The following TMC7 variants were observed in gnomAD, a reference collection of about 807,000 sequenced individuals.
TMC7 encodes the protein transmembrane channel like 7.
In TMC7, 54 loss-of-function variants were observed where a neutral mutation model predicts 82.9. The observed-to-expected ratio is 0.65, with a 90% CI of 0.52 to 0.82. TMC7 has a LOEUF of 0.82. Among genes scored for constraint, TMC7 ranks in the 40% least tolerant of loss-of-function variants. The pLI is 0.00. For missense variants in TMC7, 820 were observed against 901.2 expected (o/e 0.91, Z 1.15); for synonymous variants, 350 against 337.9 (o/e 1.04, Z -0.39).
Position 18,991,760 on chromosome 16 carries a change from G to A in TMC7, c.67+7630G>A, listed in dbSNP as rs189629684. ...GTCCCCGCACCGCACAAGAGGCCCC[G>A]GTGTGTGATGTTCCCCTTTCTGTGT... On this transcript the variant is annotated intron_variant, in intron 1 of 15. Coordinates refer to ENST00000304381, the MANE Select transcript of TMC7 (RefSeq NM_024847.4). Among the ~76,000 whole-genome samples the A allele has an allele frequency of 1.5e-3, 222 of 151,816 alleles. 1 individual carries two copies. The highest frequency in any genetic ancestry group is 2.8e-3 in the Admixed American group (43 of 15,200).
intron 2 of TMC7, among the ~76,000 whole-genome samples, chr16:19,010,880 A>G (rs1053646853): frequency 2.6e-5 from 4 of 152,180 alleles, no homozygotes; most frequent in African/African-American, 7.2e-5. Context: ...GCATGGCAAC[A>G]GCTGGAGCCC....
intron 1 of TMC7, among the ~76,000 whole-genome samples, chr16:18,985,082 A>T (rs1165176630): frequency 6.6e-6 from 1 of 152,138 alleles, no homozygotes; most frequent in Admixed American, 6.6e-5. Context: ...CAAGATGGTG[A>T]AACCCCATCT....
intron 1 of TMC7, among the ~76,000 whole-genome samples, chr16:18,985,019 T>C (rs577306140): frequency 6.6e-6 from 1 of 152,144 alleles, no homozygotes; most frequent in African/African-American, 2.4e-5. Context: ...CCCAGCACTT[T>C]GGGAGGCTGA....
intron 5 of TMC7, among the ~76,000 whole-genome samples, chr16:19,029,183 T>C (rs1177690624): frequency 6.6e-6 from 1 of 151,474 alleles, no homozygotes; most frequent in Non-Finnish European, 1.5e-5. Context: ...TTTTTTGTAT[T>C]TTTAGTAGAG....
chr16:19,051,919 G>A lies in TMC7; in HGVS notation c.1871+103G>A, dbSNP rs976532368. 4 of 1,462,616 alleles carry A rather than the reference G, an allele frequency of 2.7e-6. No homozygotes were observed. The African/African-American group carries it at 4.2e-5, about 16-fold the overall frequency. The allele number at this position is 1,462,616 out of a possible 1,614,324, so 90.6% of individuals were successfully genotyped here. On this transcript the variant is annotated intron_variant, in intron 13 of 15. Transcript: ENST00000304381. ...TCACATTTTTTTTTTTTTTGAGATGGAGTCTTGCTCTGTCACCCAGGCTGG... is the reference window on the plus strand; with the variant it reads ...TCACATTTTTTTTTTTTTTGAGATGAAGTCTTGCTCTGTCACCCAGGCTGG...
intron 1 of TMC7, among the ~76,000 whole-genome samples, chr16:19,002,268 CT>C (rs2039154917): frequency 1.6e-5 from 2 of 128,374 alleles, no homozygotes; most frequent in South Asian, 5.7e-4. Flanking sequence ...TGGAGTTTTG[CT>C]GTTGTTGTCC....
At chr16:19,013,851 CTT>C (rs35402613) in intron 2 of TMC7, among the ~76,000 whole-genome samples, 89 of 87,092 alleles carry the variant, frequency 1.0e-3, no homozygotes, top group African/African-American at 2.1e-3. Context: ...AGCACTCTTG[CTT>C]TTTTTTTTTT....
intron 2 of TMC7, 141 bp from the exon 3 acceptor site, chr16:19,016,309 T>G (rs1959687714): frequency 3.4e-6 from 3 of 875,172 alleles, no homozygotes; most frequent in Non-Finnish European, 5.1e-6. Flanking sequence ...AGGCTGGTCT[T>G]GAACTCCTGA....
At chr16:18,986,232 A>G (rs1282227289) in intron 1 of TMC7, among the ~76,000 whole-genome samples, 1 of 151,828 alleles carries the variant, frequency 6.6e-6, no homozygotes, top group Non-Finnish European at 1.5e-5. Context: ...TGTCTCTACT[A>G]AAAACACAAA....
intron 1 of TMC7, among the ~76,000 whole-genome samples, chr16:18,988,160 T>C (rs1237363005): frequency 2.8e-4 from 40 of 144,556 alleles, no homozygotes; most frequent in South Asian, 6.5e-4. Flanking sequence ...CTCTTTCTTT[T>C]TTTTTTTTTT....
chr16:18,988,421 C>T (rs2142109803), intron 1 of TMC7, among the ~76,000 whole-genome samples: 1 of 152,230 alleles, frequency 6.6e-6, no homozygotes, highest in South Asian at 2.1e-4. Flanking sequence ...TCCCAAAGTG[C>T]TGGGACTACA....
rs1414594026 is a variant in TMC7 at position 19,056,697 on chromosome 16, GGTGA to G, written c.2027+6_2027+9del. 2 of 1,613,474 alleles carry G rather than the reference GGTGA, an allele frequency of 1.2e-6. No homozygotes were observed. The highest frequency in any genetic ancestry group is 1.3e-5 in the African/African-American group (1 of 74,874). Reference sequence around the variant, plus strand: ...GCAGTTCCTTTCTTCATGATTATTTGGTGAGTGAGAACCACCAGGACCCACTGAG... The same window carrying G: ...GCAGTTCCTTTCTTCATGATTATTTGGTGAGAACCACCAGGACCCACTGAG... On this transcript the variant is annotated splice_donor_variant and splice_donor_region_variant and intron_variant, in intron 14 of 15. Coordinates refer to ENST00000304381, the MANE Select transcript of TMC7 (RefSeq NM_024847.4). LOFTEE classifies it high-confidence loss of function.
At chr16:19,004,038 A>C (rs1004854986) in intron 1 of TMC7, among the ~76,000 whole-genome samples, 113 of 14,292 alleles carry the variant, frequency 7.9e-3, no homozygotes, top group African/African-American at 9.7e-3. Flanking sequence ...TAAAAAAATA[A>C]ATTTAAAAAA....
At chr16:19,019,302 G>A (rs1052776367) in intron 3 of TMC7, among the ~76,000 whole-genome samples, 1 of 152,182 alleles carries the variant, frequency 6.6e-6, no homozygotes, top group African/African-American at 2.4e-5. Context: ...AAATACAATT[G>A]GCAATCTATC....
intron 1 of TMC7, among the ~76,000 whole-genome samples, chr16:18,999,516 G>A (rs8056733): frequency 0.31 from 47,234 of 152,126 alleles, 7,592 homozygotes; most frequent in Non-Finnish European, 0.35. Flanking sequence ...TGTAAGTTTC[G>A]TAAAAGCAGG....
chr16:19,018,276 G>T (rs1416960701), intron 3 of TMC7, among the ~76,000 whole-genome samples: 1 of 152,204 alleles, frequency 6.6e-6, no homozygotes, highest in Non-Finnish European at 1.5e-5. Context: ...GAGAATTTGG[G>T]ATTAAAATAT....
At chr16:19,033,662 G>A (rs559362503) in intron 6 of TMC7, 2 of 152,408 alleles carry the variant, frequency 1.3e-5, no homozygotes, top group African/African-American at 4.8e-5. Flanking sequence ...TCCACCCTGG[G>A]TGACAGAGTG....
intron 5 of TMC7, among the ~76,000 whole-genome samples, chr16:19,029,918 G>A (rs190308776): frequency 6.6e-6 from 1 of 152,200 alleles, no homozygotes; most frequent in East Asian, 1.9e-4. Context: ...GTTTTGCCAT[G>A]TTGGCCAGGC....
At chr16:18,995,342 C>T (rs541314325) in intron 1 of TMC7, among the ~76,000 whole-genome samples, 1 of 152,274 alleles carries the variant, frequency 6.6e-6, no homozygotes, top group South Asian at 2.1e-4. Context: ...TTACCCAAAG[C>T]GTCCGTGATG....
Sources: allele counts gnomAD v4.1 joint callset (sites outside exome capture counted in the v4.1 genomes callset), GRCh38; gene constraint gnomAD v4.1.1; transcripts MANE v1.5; gene names NCBI Gene and HGNC (gene_info 2026-07-23, HGNC 2026-07-21).